The following CSMD3 variants were observed in gnomAD, a reference collection of about 807,000 sequenced individuals.
CSMD3 encodes the protein CUB and sushi domain-containing protein 3.
Under a neutral mutation model 435.2 loss-of-function variants are expected in CSMD3, and 177 were observed. That is an observed-to-expected ratio of 0.41 (90% CI 0.36 to 0.46). CSMD3 has a LOEUF of 0.46. Among genes scored for constraint, CSMD3 ranks in the 20% least tolerant of loss-of-function variants. The probability of loss-of-function intolerance (pLI) is 0.34; values close to 1 mark genes in which losing one functional copy is unlikely to be tolerated. For synonymous variants in CSMD3, 1,656 were observed against 1,520.5 expected, an observed-to-expected ratio of 1.09 and a Z score of -2.07; for missense variants, 4,265 against 4,504.6, an observed-to-expected ratio of 0.95 and a Z score of 1.52.
chr8:113,294,075 C>A (rs1046207344), intron 2 of CSMD3, among the ~76,000 whole-genome samples: 1 of 151,924 alleles, frequency 6.6e-6, no homozygotes, highest in Admixed American at 6.6e-5. Flanking sequence ...CTCTCTGAGC[C>A]ATTAGATATG....
At position 112,364,907 on chromosome 8, in the gene CSMD3, G is replaced by C. The variant is rs561594425; in HGVS notation, c.6137-12373C>G. Among the ~76,000 whole-genome samples the C allele has an allele frequency of 6.6e-5, 10 of 152,156 alleles. No homozygotes were observed. In the East Asian group the frequency reaches 1.4e-3, roughly 21 times the overall value. On this transcript the variant is annotated intron_variant, in intron 38 of 70. Transcript: ENST00000297405. Reference sequence around the variant, plus strand: ...CAGTGCTAATGTGGATCAGGAAAAAGAAAACTTGAATACTTCATGTGAGAA... The same window carrying C: ...CAGTGCTAATGTGGATCAGGAAAAACAAAACTTGAATACTTCATGTGAGAA...
chr8:113,115,231 G>A (rs1347899640), intron 4 of CSMD3, among the ~76,000 whole-genome samples: 1 of 152,218 alleles, frequency 6.6e-6, no homozygotes, highest in Non-Finnish European at 1.5e-5. Context: ...GAAGATCTGT[G>A]AGACATCTCA....
intron 53 of CSMD3, among the ~76,000 whole-genome samples, chr8:112,298,505 ATTCCTCG>A (rs1285120292): frequency 6.6e-6 from 1 of 152,144 alleles, no homozygotes; most frequent in African/African-American, 2.4e-5. Context: ...AAACTTGAAA[ATTCCTCG>A]TTGTCAAAAG....
In CSMD3 at chr8:113,173,893, T is replaced by A. The variant is rs2131891952; in HGVS notation, c.538A>T (p.Asn180Tyr). 1 of 1,613,618 alleles carries A rather than the reference T, an allele frequency of 6.2e-7. No individual in the cohort carries two copies. Among genetic ancestry groups the A allele is most frequent in the Non-Finnish European group, 8.5e-7 (1 of 1,179,626 alleles). The change falls in exon 4 of 71, where the codon AAT becomes TAT. Residue 180 changes from asparagine to tyrosine, a missense_variant. By Grantham distance (143) the Asn-to-Tyr change is moderately radical (BLOSUM62 -2). Coordinates refer to ENST00000297405, the MANE Select transcript of CSMD3 (RefSeq NM_198123.2). Reference sequence around the variant, plus strand: ...ACACCTTTGGGTGGAACACCAGGATTTCCACAAGAGCTACTCTGCAATTCT... The same window carrying A: ...ACACCTTTGGGTGGAACACCAGGATATCCACAAGAGCTACTCTGCAATTCT... ...YEELQSSSCG[N>Y]PGVPPKGVLY...
intron 11 of CSMD3, among the ~76,000 whole-genome samples, chr8:112,847,852 C>T (rs531481717): frequency 1.3e-5 from 2 of 152,044 alleles, no homozygotes; most frequent in African/African-American, 2.4e-5. Flanking sequence ...TGCCTGAAGA[C>T]TTTATGGGGA....
chr8:113,133,292 C>A (rs1472924330), intron 4 of CSMD3, among the ~76,000 whole-genome samples: 1 of 151,972 alleles, frequency 6.6e-6, no homozygotes, highest in Non-Finnish European at 1.5e-5. Context: ...ATACAAATAG[C>A]CAACTAACAA....
intron 13 of CSMD3, among the ~76,000 whole-genome samples, chr8:112,798,015 CAAGT>C (rs2078869434): frequency 6.6e-6 from 1 of 151,696 alleles, no homozygotes; most frequent in African/African-American, 2.4e-5. Flanking sequence ...AATACAAAGA[CAAGT>C]AAGATATATT....
intron 3 of CSMD3, among the ~76,000 whole-genome samples, chr8:113,232,983 AAAGTT>A (rs1456121106): frequency 6.6e-6 from 1 of 151,960 alleles, no homozygotes; most frequent in Non-Finnish European, 1.5e-5. Context: ...AAGTCAGACT[AAAGTT>A]GAGTTAGACT....
At chr8:113,014,842 A>G (rs767804781) in intron 6 of CSMD3, among the ~76,000 whole-genome samples, 4 of 152,134 alleles carry the variant, frequency 2.6e-5, no homozygotes, top group Admixed American at 2.6e-4. Flanking sequence ...ATGTGTGTTG[A>G]GTATCTAAAT....
rs2130860097 is a variant in CSMD3, at chr8:112,318,842, C to A, written c.7355G>T (p.Cys2452Phe). The A allele has an allele frequency of 6.2e-7, 1 of 1,605,482 alleles. No homozygotes were observed. The highest frequency in any genetic ancestry group is 8.5e-7 in the Non-Finnish European group (1 of 1,173,174). ...TCATAGGAACCATTGAATACCTTGA[C>A]AAACTGGAGGTGCTCCATCCATCTG... is the stretch of plus-strand genomic sequence containing the variant. ...RLQMDGAPPV[C>F]QVLCPANELR... The change falls in exon 47 of 71, where the codon TGT becomes TTT. Residue 2452 changes from cysteine (C) to phenylalanine (F), a missense_variant. Physicochemically the swap from Cys to Phe is radical, Grantham distance 205. Around this residue, in one of 3 missense-constraint regions of CSMD3, gnomAD observed 3,255 missense variants for 3,380.2 expected, o/e 0.96. Transcript: ENST00000297405.
rs140039343 is a variant in CSMD3 at position 113,321,817 on chromosome 8, T to C, written c.179-7024A>G. Reference sequence around the variant, plus strand: ...GATTTTTGTAAAGATTTGGGGTGAATGCATTTAACTTGTAAATTTCACATT... The same window carrying C: ...GATTTTTGTAAAGATTTGGGGTGAACGCATTTAACTTGTAAATTTCACATT... On this transcript the variant is annotated intron_variant, in intron 1 of 70. Coordinates refer to ENST00000297405, the MANE Select transcript of CSMD3 (RefSeq NM_198123.2). 6.6e-5 allele frequency among the ~76,000 whole-genome samples: 10 copies of C among 152,292 alleles called. No homozygotes were observed. The East Asian group carries it at 1.9e-3, about 29-fold the overall frequency.
chr8:113,329,757 A>T (rs117889678), intron 1 of CSMD3, among the ~76,000 whole-genome samples: 8 of 152,316 alleles, frequency 5.3e-5, no homozygotes, highest in Non-Finnish European at 1.0e-4. Flanking sequence ...CATATAAAAG[A>T]TTAACAATGA....
At chr8:112,931,810 G>A (rs541037017) in intron 9 of CSMD3, among the ~76,000 whole-genome samples, 4 of 152,192 alleles carry the variant, frequency 2.6e-5, no homozygotes, top group South Asian at 2.1e-4. Context: ...TTTCTTAAAG[G>A]AAGACATACA....
At chr8:112,289,968 G>A (rs924011476) in intron 56 of CSMD3, among the ~76,000 whole-genome samples, 2 of 151,974 alleles carry the variant, frequency 1.3e-5, no homozygotes, top group African/African-American at 4.8e-5. Context: ...TTAAAGTGAA[G>A]CAATACAGAA....
rs572709062 is a variant in CSMD3, at chr8:112,900,023, T to C, written c.1633+21604A>G. Among the ~76,000 whole-genome samples the C allele has an allele frequency of 3.3e-5, 5 of 151,296 alleles. 1 individual carries two copies. In the South Asian group the frequency reaches 1.0e-3, roughly 31 times the overall value. On this transcript the variant is annotated intron_variant, in intron 10 of 70. Coordinates refer to ENST00000297405, the MANE Select transcript of CSMD3 (RefSeq NM_198123.2). Reference sequence around the variant, plus strand: ...ATTTGTAATTCCTTTTCTCTCTATTTTCTCTGACTTGCTACAAGTGGACAC... The same window carrying C: ...ATTTGTAATTCCTTTTCTCTCTATTCTCTCTGACTTGCTACAAGTGGACAC...
chr8:112,405,092 C>A (rs1341801900), intron 35 of CSMD3, among the ~76,000 whole-genome samples: 1 of 144,362 alleles, frequency 6.9e-6, no homozygotes, highest in Non-Finnish European at 1.5e-5. Context: ...TATGCTGAGG[C>A]AGGAGGCTTT....
intron 24 of CSMD3, among the ~76,000 whole-genome samples, chr8:112,557,547 A>T (rs1252561211): frequency 6.6e-6 from 1 of 151,968 alleles, no homozygotes; most frequent in East Asian, 1.9e-4. Flanking sequence ...GAAGGACTGA[A>T]GGTTGAGTCA....
chr8:113,046,754 G>A (rs2087854806), intron 5 of CSMD3, among the ~76,000 whole-genome samples: 1 of 152,210 alleles, frequency 6.6e-6, no homozygotes, highest in Non-Finnish European at 1.5e-5. Context: ...ACTTGGAGGG[G>A]CGAGGGTCTG....
At chr8:112,244,156 G>C (rs1814457952) in intron 65 of CSMD3, among the ~76,000 whole-genome samples, 1 of 152,094 alleles carries the variant, frequency 6.6e-6, no homozygotes, top group African/African-American at 2.4e-5. Flanking sequence ...TACCTGAAGA[G>C]AGAATTTGAA....
Sources: gnomAD v4.1 joint callset for allele counts (sites outside exome capture counted in the v4.1 genomes callset) on GRCh38, gnomAD v4.1.1 for gene constraint, gnomAD v4.1.1 regional missense constraint, MANE v1.5 for transcripts, NCBI Gene and HGNC (gene_info 2026-07-23, HGNC 2026-07-21) for gene names.